The following RUFY2 variants were observed in gnomAD, a reference collection of about 807,000 sequenced individuals.
The protein encoded by RUFY2 is RUN and FYVE domain containing 2.
RUFY2 carries 49 observed loss-of-function variants against 94.4 expected under a neutral mutation model. The observed-to-expected ratio is 0.52, with a 90% CI of 0.41 to 0.66. The LOEUF (loss-of-function observed/expected upper bound fraction) is 0.66. Ranked by LOEUF, RUFY2 falls within the 30% of genes least tolerant of loss-of-function variation. The probability of loss-of-function intolerance (pLI) is 0.00; values close to 1 mark genes in which losing one functional copy is unlikely to be tolerated. For missense variants in RUFY2, 541 were observed against 692.8 expected (o/e 0.78, Z 2.46); for synonymous variants, 255 against 235.7 (o/e 1.08, Z -0.75).
At chr10:68,386,183 C>T (rs549385201) in intron 7 of RUFY2, 55 bp from the exon 8 acceptor site, 18 of 1,406,938 alleles carry the variant, frequency 1.3e-5, no homozygotes, top group South Asian at 3.6e-5. Context: ...CAAAAAGGCA[C>T]GAAAAAATAT....
At chr10:68,379,569 G>T (rs2048889437) in intron 11 of RUFY2, 48 bp from the exon 12 acceptor site, 8 of 1,254,266 alleles carry the variant, frequency 6.4e-6, no homozygotes, top group Non-Finnish European at 8.1e-6. Flanking sequence ...GTGTGTGTGT[G>T]TTTGTGTGTG....
chr10:68,378,704 A>C (rs2048829232), intron 12 of RUFY2: 1 of 1,541,884 alleles, frequency 6.5e-7, no homozygotes, highest in Non-Finnish European at 8.8e-7. Flanking sequence ...TCAAAGACAG[A>C]AAAAGGTAAT....
At chr10:68,341,431 A>T, downstream of RUFY2, 1 of 1,130,038 alleles carries the variant, frequency 8.8e-7, no homozygotes, top group Non-Finnish European at 1.3e-6. Flanking sequence ...GACCTCTATA[A>T]TGGCTTTCTG....
At chr10:68,390,254 C>T (rs1237744955) in intron 7 of RUFY2, among the ~76,000 whole-genome samples, 3 of 152,066 alleles carry the variant, frequency 2.0e-5, no homozygotes, top group Non-Finnish European at 4.4e-5. Flanking sequence ...GCAAGAGTCA[C>T]AGCTTATTAG....
intron 15 of RUFY2, among the ~76,000 whole-genome samples, chr10:68,359,306 A>G (rs1202630677): frequency 7.2e-6 from 1 of 138,246 alleles, no homozygotes; most frequent in African/African-American, 2.6e-5. Flanking sequence ...ATATATACAT[A>G]TATACGTATA....
At chr10:68,400,808 C>G (rs750587641) in intron 3 of RUFY2, among the ~76,000 whole-genome samples, 3 of 151,730 alleles carry the variant, frequency 2.0e-5, no homozygotes, top group African/African-American at 7.3e-5. Flanking sequence ...GTCAGGAGAT[C>G]GAGACCATTC....
At chr10:68,378,046 G>C (rs1044479170) in intron 12 of RUFY2, 2 of 985,352 alleles carry the variant, frequency 2.0e-6, no homozygotes, top group African/African-American at 3.5e-5. Context: ...TCAGAGTGAG[G>C]TAGGCCTTGA....
At chr10:68,405,221 G>C (rs2051181551) in intron 1 of RUFY2, among the ~76,000 whole-genome samples, 1 of 151,274 alleles carries the variant, frequency 6.6e-6, no homozygotes, top group Admixed American at 6.6e-5. Context: ...GCTGAAGCAG[G>C]AGAGTCACTT....
chr10:68,348,901 C>A (rs2046464523), intron 16 of RUFY2, among the ~76,000 whole-genome samples: 1 of 152,314 alleles, frequency 6.6e-6, no homozygotes, highest in East Asian at 1.9e-4. Context: ...TAGAACGGAA[C>A]AACCTCTTGC....
chr10:68,366,211 C>T (rs983356632), intron 13 of RUFY2, among the ~76,000 whole-genome samples: 9 of 150,164 alleles, frequency 6.0e-5, no homozygotes, highest in Non-Finnish European at 1.5e-5. Flanking sequence ...CCCATAATTC[C>T]AGCTACTACT....
chr10:68,376,335 G>A (rs549088034), intron 13 of RUFY2, among the ~76,000 whole-genome samples: 3 of 148,486 alleles, frequency 2.0e-5, no homozygotes, highest in East Asian at 4.0e-4. Flanking sequence ...GCTGAGGCAG[G>A]AGAATCGCTT....
intron 1 of RUFY2, chr10:68,405,379 A>G (rs752809958): frequency 8.4e-6 from 6 of 710,484 alleles, no homozygotes; most frequent in Non-Finnish European, 1.0e-5. Context: ...ACTCCAGCCA[A>G]AGTTAATGAA....
At chr10:68,388,704 C>T (rs1006144009) in intron 7 of RUFY2, among the ~76,000 whole-genome samples, 7 of 151,512 alleles carry the variant, frequency 4.6e-5, no homozygotes, top group African/African-American at 7.3e-5. Flanking sequence ...GGTGTCGTGG[C>T]GCAAGCCTGT....
chr10:68,405,550 G>C (rs757519349), intron 1 of RUFY2: 18 of 727,950 alleles, frequency 2.5e-5, no homozygotes, highest in Non-Finnish European at 3.0e-5. Flanking sequence ...TAGCAGGTAC[G>C]GTCTTAGGAT....
chr10:68,343,873 AG>A lies in RUFY2; in HGVS notation c.*1894del. On this transcript the variant is annotated 3_prime_UTR_variant, in exon 18 of 18. Coordinates refer to ENST00000602465, the MANE Select transcript of RUFY2 (RefSeq NM_001330103.2). ...GTTGATACATGAGTTTTGAAAAGTG[AG>A]AAACTTACTTAAAGGATGACAAAAT... The A allele has an allele frequency of 6.7e-6, 1 of 148,370 alleles. No homozygotes were observed. The highest frequency in any genetic ancestry group is 1.5e-5 in the Non-Finnish European group (1 of 66,868). 9.2% of individuals were successfully genotyped at this position (148,370 alleles called of 1,614,324 possible). A position where few individuals can be genotyped will look rare whatever the true frequency, so the allele number is the denominator to read the frequency against.
chr10:68,377,476 G>A (rs1033104603), intron 12 of RUFY2: 61 of 991,208 alleles, frequency 6.2e-5, no homozygotes, highest in Non-Finnish European at 6.8e-5. Flanking sequence ...TCCTTCTTAC[G>A]GCATCTTTAT....
At chr10:68,386,791 T>C (rs1447229896) in intron 7 of RUFY2, among the ~76,000 whole-genome samples, 1 of 152,224 alleles carries the variant, frequency 6.6e-6, no homozygotes, top group African/African-American at 2.4e-5. Context: ...TTTATAATTA[T>C]GTGGTTTCAT....
rs1349244326 is a variant in RUFY2 at position 68,384,046 on chromosome 10, C to T, written c.822+5G>A. ...ATTGTCTGCTTGAAAGCAGTCTATA[C>T]TTACCTCTAGGTGCTGCTGTGTTTT... On this transcript the variant is annotated splice_donor_5th_base_variant and intron_variant, in intron 9 of 17. Transcript: ENST00000602465. 6.2e-7 allele frequency: 1 copy of T among 1,610,070 alleles called. No homozygotes were observed. Among genetic ancestry groups the T allele is most frequent in the Non-Finnish European group, 8.5e-7 (1 of 1,177,280 alleles).
At chr10:68,359,312 G>A (rs1344244751) in intron 15 of RUFY2, among the ~76,000 whole-genome samples, 1 of 125,632 alleles carries the variant, frequency 8.0e-6, no homozygotes, top group Non-Finnish European at 1.8e-5. Context: ...ACATATATAC[G>A]TATATATACA....
Sources: gnomAD v4.1 joint callset for allele counts (sites outside exome capture counted in the v4.1 genomes callset) on GRCh38, gnomAD v4.1.1 for gene constraint, MANE v1.5 for transcripts, NCBI Gene and HGNC (gene_info 2026-07-23, HGNC 2026-07-21) for gene names.